Variants in FRMPD4 observed in about 807,000 individuals in gnomAD.
FRMPD4 encodes FERM and PDZ domain-containing protein 4.
A neutral mutation model predicts 94.1 loss-of-function variants in FRMPD4; 22 were observed. The ratio of observed to expected loss-of-function variants is 0.23; its 90% CI spans 0.17 to 0.33. FRMPD4 has a LOEUF of 0.33. Among genes scored for constraint, FRMPD4 ranks in the 10% least tolerant of loss-of-function variants. FRMPD4 has a pLI of 1.00. For synonymous variants in FRMPD4, 631 were observed against 548.6 expected (o/e 1.15, Z -2.10); for missense variants, 1,111 against 1,339.9 (o/e 0.83, Z 2.67).
intron 3 of FRMPD4, among the ~76,000 whole-genome samples, chrX:12,037,940 A>G (rs1430915897): frequency 3.6e-5 from 4 of 111,884 alleles, no homozygotes; most frequent in Non-Finnish European, 7.5e-5. Context: ...AGTTTCAGCC[A>G]GTTTTTGTGT....
chrX:12,496,719 G>A (rs1037398836), intron 1 of FRMPD4, among the ~76,000 whole-genome samples: 2 of 107,852 alleles, frequency 1.9e-5, no homozygotes, highest in African/African-American at 6.8e-5. Flanking sequence ...TATTTTTTTT[G>A]TCAACACATT....
chrX:12,495,921 G>C (rs1223001023), intron 1 of FRMPD4, among the ~76,000 whole-genome samples: 2 of 111,057 alleles, frequency 1.8e-5, no homozygotes, highest in Non-Finnish European at 3.8e-5. Context: ...CGTGCAGTAA[G>C]GCATCACACT....
At chrX:11,959,013 C>T (rs1251202950) in intron 3 of FRMPD4, among the ~76,000 whole-genome samples, 1 of 112,117 alleles carries the variant, frequency 8.9e-6, no homozygotes, top group African/African-American at 3.2e-5. Context: ...CCTACCAAAA[C>T]CAAAAATCAC....
At position 12,664,626 on chromosome X, in the gene FRMPD4, C is replaced by T. The variant is rs758350955; in HGVS notation, c.423-10237C>T. On this transcript the variant is annotated intron_variant, in intron 4 of 16. Coordinates refer to ENST00000675598, the MANE Select transcript of FRMPD4 (RefSeq NM_001368397.1). ...TTGCTAGTATTTTATTGAGGATTTT[C>T]GCATTGATGTTCATCAGGGATATTG... is the stretch of plus-strand genomic sequence containing the variant. Among the ~76,000 whole-genome samples the T allele has an allele frequency of 6.3e-5, 7 of 111,824 alleles. No homozygotes were observed. In the South Asian group the frequency reaches 2.6e-3, roughly 42 times the overall value.
intron 1 of FRMPD4, among the ~76,000 whole-genome samples, chrX:12,441,505 A>T (rs1287252711): frequency 9.0e-6 from 1 of 111,209 alleles, no homozygotes; most frequent in East Asian, 2.8e-4. Flanking sequence ...CTCTAGTATC[A>T]CACTCACTCC....
chrX:12,214,794 A>G (rs190644868), intron 1 of FRMPD4, among the ~76,000 whole-genome samples: 84 of 112,423 alleles, frequency 7.5e-4, no homozygotes, highest in African/African-American at 2.7e-3. Flanking sequence ...AAAAACAATT[A>G]TATGAGAAAA....
chrX:12,095,443 C>T (rs781441335), intron 3 of FRMPD4, among the ~76,000 whole-genome samples: 1 of 110,753 alleles, frequency 9.0e-6, no homozygotes, highest in Non-Finnish European at 1.9e-5. Context: ...TCTCAGCATC[C>T]ATTAAATAAA....
At position 11,849,602 on chromosome X, in the gene FRMPD4, A is replaced by G. The variant is rs146173215; in HGVS notation, c.-160-15484A>G. On this transcript the variant is annotated intron_variant, in intron 1 of 18. Coordinates refer to the FRMPD4 transcript ENST00000640291. ...CCTGTGGAATAGAATAGAGAGCCCA[A>G]AAATAAACACTCACATAACATGGTC... 4.6e-3 allele frequency among the ~76,000 whole-genome samples: 515 copies of G among 111,185 alleles called. 4 individuals carry two copies. Among genetic ancestry groups the G allele is most frequent in the African/African-American group, 0.016 (497 of 30,654 alleles).
rs369101002 is a variant in FRMPD4 at position 11,971,286 on chromosome X, A to G, written c.95+93268A>G. 3.6e-5 allele frequency among the ~76,000 whole-genome samples: 4 copies of G among 112,545 alleles called. No homozygotes were observed. The East Asian group carries it at 1.1e-3, about 31-fold the overall frequency. On this transcript the variant is annotated intron_variant, in intron 3 of 18. Transcript: ENST00000640291. ...CTTTTTGGGTATAGCATTCTGCCTA[A>G]CATTATCTATTCCCTTACCATTTCC...
At chrX:12,083,624 C>T (rs1389036512) in intron 3 of FRMPD4, among the ~76,000 whole-genome samples, 1 of 112,350 alleles carries the variant, frequency 8.9e-6, no homozygotes, top group East Asian at 2.8e-4. Flanking sequence ...CCTGGAAAAG[C>T]CATAGACACT....
chrX:12,086,794 T>G (rs751772202), intron 3 of FRMPD4, among the ~76,000 whole-genome samples: 1 of 112,176 alleles, frequency 8.9e-6, no homozygotes, highest in East Asian at 2.8e-4. Flanking sequence ...AGGGCTGAGC[T>G]GGATCTTCTG....
chrX:12,017,082 T>C (rs2054608541), intron 3 of FRMPD4, among the ~76,000 whole-genome samples: 1 of 112,047 alleles, frequency 8.9e-6, no homozygotes, highest in Admixed American at 9.5e-5. Flanking sequence ...GCCCTGATCT[T>C]GGATAGTTTG....
chrX:12,102,655 C>T (rs948371527), intron 3 of FRMPD4, among the ~76,000 whole-genome samples: 2 of 111,368 alleles, frequency 1.8e-5, no homozygotes, highest in Non-Finnish European at 3.8e-5. Flanking sequence ...ACCATTTGCA[C>T]ATGTGTTTTA....
chrX:12,489,666 C>T (rs969510163), intron 1 of FRMPD4, among the ~76,000 whole-genome samples: 5 of 112,280 alleles, frequency 4.5e-5, no homozygotes, highest in Non-Finnish European at 7.5e-5. Context: ...GAGCAATACA[C>T]AGGTTCCATA....
intron 2 of FRMPD4, among the ~76,000 whole-genome samples, chrX:12,543,544 C>G (rs1164841728): frequency 8.9e-6 from 1 of 112,027 alleles, no homozygotes; most frequent in African/African-American, 3.2e-5. Flanking sequence ...AATGAGATAC[C>G]ATCTCACACC....
chrX:11,847,704 A>G lies in FRMPD4; in HGVS notation c.-160-17382A>G, dbSNP rs139459474. On this transcript the variant is annotated intron_variant, in intron 1 of 18. Transcript: ENST00000640291. The stretch of plus-strand genomic sequence containing the variant: ...ATACCATGGAATACTATGTAGCCAT[A>G]AAAAATGATGAGCTAATGTCCTTTG... 7.2e-4 allele frequency among the ~76,000 whole-genome samples: 79 copies of G among 110,380 alleles called. No individual in the cohort carries two copies. The East Asian group carries it at 0.021, about 29-fold the overall frequency.
intron 1 of FRMPD4, among the ~76,000 whole-genome samples, chrX:12,421,391 T>A (rs2056881257): frequency 1.8e-5 from 1 of 54,810 alleles, no homozygotes; most frequent in South Asian, 1.6e-3. Flanking sequence ...AGGTTAGGCT[T>A]CCATGCTCAC....
chrX:12,583,616 T>G, intron 2 of FRMPD4: 7 of 494,151 alleles, frequency 1.4e-5, no homozygotes, highest in Non-Finnish European at 2.0e-5. Context: ...GCCTCGCACC[T>G]GGCGGCCCCG....
chrX:12,643,267 A>G (rs1288839782), intron 4 of FRMPD4, among the ~76,000 whole-genome samples: 1 of 109,717 alleles, frequency 9.1e-6, no homozygotes, highest in Non-Finnish European at 1.9e-5. Context: ...CCTCCTGAGT[A>G]GCTGAGATCA....
Sources: allele counts gnomAD v4.1 joint callset (sites outside exome capture counted in the v4.1 genomes callset), GRCh38; gene constraint gnomAD v4.1.1; transcripts MANE v1.5; gene names NCBI Gene and HGNC (gene_info 2026-07-23, HGNC 2026-07-21).